The following MAGI2 variants were observed in gnomAD, a reference collection of about 807,000 sequenced individuals.
MAGI2 encodes the protein membrane associated guanylate kinase, WW and PDZ domain containing 2, also known as membrane-associated guanylate kinase, WW and PDZ domain-containing protein 2.
MAGI2 carries 35 observed loss-of-function variants against 133.3 expected under a neutral mutation model. The observed-to-expected ratio is 0.26, with a 90% CI of 0.20 to 0.35. The LOEUF (loss-of-function observed/expected upper bound fraction) is 0.35. Among genes scored for constraint, MAGI2 ranks in the 10% least tolerant of loss-of-function variants. MAGI2 has a pLI of 1.00. For synonymous variants in MAGI2, 729 were observed against 710.6 expected (o/e 1.03, Z -0.41); for missense variants, 1,636 against 1,863.4 (o/e 0.88, Z 2.25).
At chr7:79,219,973 C>T (rs1381102568) in intron 1 of MAGI2, among the ~76,000 whole-genome samples, 2 of 151,836 alleles carry the variant, frequency 1.3e-5, no homozygotes, top group African/African-American at 4.9e-5. Context: ...TTCTTATCCT[C>T]ACAATACTCA....
At chr7:79,323,630 C>T (rs1294401066) in intron 1 of MAGI2, among the ~76,000 whole-genome samples, 1 of 152,048 alleles carries the variant, frequency 6.6e-6, no homozygotes, top group African/African-American at 2.4e-5. Context: ...AAATGGAGAG[C>T]CCCTGAAGGA....
intron 2 of MAGI2, among the ~76,000 whole-genome samples, chr7:78,656,541 G>A (rs1189418802): frequency 6.6e-6 from 1 of 152,110 alleles, no homozygotes; most frequent in Admixed American, 6.6e-5. Flanking sequence ...GGTACTGGGG[G>A]AAATGGGGAG....
chr7:78,902,784 C>T (rs1040533030), intron 2 of MAGI2, among the ~76,000 whole-genome samples: 1 of 152,130 alleles, frequency 6.6e-6, no homozygotes, highest in African/African-American at 2.4e-5. Context: ...CTCAATTGGA[C>T]CCCTGTTGGT....
chr7:79,416,843 T>G, intron 1 of MAGI2, among the ~76,000 whole-genome samples: 1 of 150,760 alleles, frequency 6.6e-6, no homozygotes, highest in Middle Eastern at 3.2e-3. Context: ...CAAGCGATTA[T>G]CCTGCCTTAG....
At position 78,775,666 on chromosome 7, in the gene MAGI2, G is replaced by A. The variant is rs950388287; in HGVS notation, c.419-148427C>T. On this transcript the variant is annotated intron_variant, in intron 2 of 21. Coordinates refer to ENST00000354212, the MANE Select transcript of MAGI2 (RefSeq NM_012301.4). The stretch of plus-strand genomic sequence containing the variant: ...GCATATAGCTATTACAACAGCAGCA[G>A]CAGAAATAAAGGTACTAATATAAGG... Among the ~76,000 whole-genome samples, 4 of 152,240 alleles carry A rather than the reference G, an allele frequency of 2.6e-5. No individual in the cohort carries two copies. The East Asian group carries it at 7.7e-4, about 29-fold the overall frequency.
intron 1 of MAGI2, among the ~76,000 whole-genome samples, chr7:79,242,175 G>T (rs1832464676): frequency 6.6e-6 from 1 of 152,112 alleles, no homozygotes; most frequent in South Asian, 2.1e-4. Flanking sequence ...ATTGCTGAGA[G>T]TATATTTTAA....
chr7:78,108,642 ATGTGTGTGTG>A (rs71844818), intron 20 of MAGI2, among the ~76,000 whole-genome samples: 33,593 of 148,748 alleles, frequency 0.23, 4,365 homozygotes, highest in East Asian at 0.51. Flanking sequence ...CTCTCTCTGT[ATGTGTGTGTG>A]TGTGTGTGTG....
intron 2 of MAGI2, among the ~76,000 whole-genome samples, chr7:78,919,770 G>A (rs2151631755): frequency 6.6e-6 from 1 of 152,178 alleles, no homozygotes; most frequent in African/African-American, 2.4e-5. Context: ...CCTATTAATT[G>A]TATGCAAATG....
intron 10 of MAGI2, among the ~76,000 whole-genome samples, chr7:78,240,207 C>A (rs1790993753): frequency 6.6e-6 from 1 of 152,162 alleles, no homozygotes; most frequent in African/African-American, 2.4e-5. Flanking sequence ...TTGTTCAGTT[C>A]CCACCTATGA....
At chr7:78,919,100 A>G (rs1283231258) in intron 2 of MAGI2, among the ~76,000 whole-genome samples, 3 of 152,106 alleles carry the variant, frequency 2.0e-5, no homozygotes, top group African/African-American at 7.2e-5. Flanking sequence ...ACTTGTCAAC[A>G]TTGCATAGTG....
intron 1 of MAGI2, among the ~76,000 whole-genome samples, chr7:79,251,038 C>T (rs1833214091): frequency 6.6e-6 from 1 of 152,076 alleles, no homozygotes; most frequent in African/African-American, 2.4e-5. Flanking sequence ...TATCCATATG[C>T]AGAAGAATGA....
chr7:79,068,755 T>C (rs1189215511), intron 1 of MAGI2, among the ~76,000 whole-genome samples: 5 of 152,230 alleles, frequency 3.3e-5, no homozygotes, highest in African/African-American at 1.2e-4. Flanking sequence ...CACACACTGC[T>C]TTAAATTTGT....
chr7:78,589,611 C>A (rs1330186545), intron 3 of MAGI2, among the ~76,000 whole-genome samples: 3 of 132,828 alleles, frequency 2.3e-5, no homozygotes, highest in Non-Finnish European at 5.0e-5. Flanking sequence ...AAGAATAGAG[C>A]CCCAAAGATA....
At chr7:79,319,858 A>G (rs1260334251) in intron 1 of MAGI2, among the ~76,000 whole-genome samples, 1 of 152,160 alleles carries the variant, frequency 6.6e-6, no homozygotes, top group African/African-American at 2.4e-5. Flanking sequence ...TGATTGACCC[A>G]CGTTTCCCAG....
intron 1 of MAGI2, among the ~76,000 whole-genome samples, chr7:79,301,940 T>C (rs1405407027): frequency 6.6e-6 from 1 of 152,214 alleles, no homozygotes; most frequent in Admixed American, 6.5e-5. Context: ...TCTCTCTTGC[T>C]CCTGCTTTCA....
At chr7:78,670,146 A>G (rs1322093562) in intron 2 of MAGI2, among the ~76,000 whole-genome samples, 2 of 151,816 alleles carry the variant, frequency 1.3e-5, no homozygotes, top group Admixed American at 6.5e-5. Flanking sequence ...CTGTTTGCAG[A>G]TGACATGATT....
intron 2 of MAGI2, among the ~76,000 whole-genome samples, chr7:78,829,835 T>A (rs1790987615): frequency 6.6e-6 from 1 of 152,096 alleles, no homozygotes; most frequent in South Asian, 2.1e-4. Flanking sequence ...AAGTTCTTTT[T>A]GAGAAGAATG....
At chr7:78,058,460 A>T (rs1189740206) in intron 21 of MAGI2, among the ~76,000 whole-genome samples, 2 of 145,572 alleles carry the variant, frequency 1.4e-5, no homozygotes, top group Non-Finnish European at 3.0e-5. Flanking sequence ...TTGAATGTTC[A>T]CATACATCTT....
intron 3 of MAGI2, among the ~76,000 whole-genome samples, chr7:78,559,317 G>A (rs1800179860): frequency 1.3e-5 from 2 of 148,998 alleles, no homozygotes; most frequent in African/African-American, 4.9e-5. Flanking sequence ...GTTGACTTGT[G>A]TATTAAAGAG....
Sources: gnomAD v4.1 joint callset for allele counts (sites outside exome capture counted in the v4.1 genomes callset) on GRCh38, gnomAD v4.1.1 for gene constraint, MANE v1.5 for transcripts, NCBI Gene and HGNC (gene_info 2026-07-23, HGNC 2026-07-21) for gene names.